SYCP2: variants seen among roughly 807,000 people sequenced by gnomAD.
The protein encoded by SYCP2 is synaptonemal complex lateral element protein.
SYCP2 carries 55 observed loss-of-function variants against 211.3 expected under a neutral mutation model. The ratio of observed to expected loss-of-function variants is 0.26; its 90% CI spans 0.21 to 0.33. SYCP2 has a LOEUF of 0.33. Ranked by LOEUF, SYCP2 falls within the 10% of genes least tolerant of loss-of-function variation. The pLI, the probability that SYCP2 is intolerant of heterozygous loss-of-function variation, is 1.00. For missense variants in SYCP2, 1,731 were observed against 1,752.0 expected, an observed-to-expected ratio of 0.99 and a Z score of 0.21; for synonymous variants, 570 against 555.2, an observed-to-expected ratio of 1.03 and a Z score of -0.37.
At chr20:59,915,066 C>T (rs1422906245) in intron 10 of SYCP2, 99 bp downstream of exon 10, 4 of 774,196 alleles carry the variant, frequency 5.2e-6, no homozygotes, top group South Asian at 3.5e-5. Flanking sequence ...TTTATAATTC[C>T]CTCAGTCTCA....
intron 36 of SYCP2, 121 bp downstream of exon 36, chr20:59,869,677 T>G: frequency 3.6e-6 from 2 of 550,238 alleles, no homozygotes; most frequent in Non-Finnish European, 6.2e-6. Flanking sequence ...CATCAGATTT[T>G]CAGGTAATAA....
chr20:59,922,441 AG>A lies in SYCP2; in HGVS notation c.-29del, dbSNP rs2060558915. 2.1e-6 allele frequency: 3 copies of A among 1,404,274 alleles called. No homozygotes were observed. Among genetic ancestry groups the A allele is most frequent in the South Asian group, 1.3e-5 (1 of 77,602 alleles). 87.0% of individuals were successfully genotyped at this position (1,404,274 alleles called of 1,614,324 possible). A position where few individuals can be genotyped will look rare whatever the true frequency, so the allele number is the denominator to read the frequency against. ...TGACTTCATTTAAAAAAAAAAAAAA[AG>A]CAAGACAAAATAAACACCTATAAAA... On this transcript the variant is annotated 5_prime_UTR_variant, in exon 3 of 45. Coordinates refer to ENST00000357552, the MANE Select transcript of SYCP2 (RefSeq NM_014258.4).
Position 59,868,330 on chromosome 20 carries a change from T to C in SYCP2, c.3988+83A>G, listed in dbSNP as rs192346807. On this transcript the variant is annotated intron_variant, in intron 38 of 44. Coordinates refer to ENST00000357552, the MANE Select transcript of SYCP2 (RefSeq NM_014258.4). ...CATATCCAAAGTTGTCTTTACAAAT[T>C]TGTTTTGTAAATAGACTCATTCAAA... is the stretch of plus-strand genomic sequence containing the variant. 450 of 1,412,270 alleles carry C rather than the reference T, an allele frequency of 3.2e-4. 4 individuals are homozygous for C. The African/African-American group carries it at 5.8e-3, about 18-fold the overall frequency. 87.5% of individuals were successfully genotyped at this position (1,412,270 alleles called of 1,614,324 possible).
intron 7 of SYCP2, among the ~76,000 whole-genome samples, 185 bp from the exon 8 acceptor site, chr20:59,916,756 A>G (rs375922880): frequency 5.9e-5 from 9 of 152,086 alleles, no homozygotes; most frequent in African/African-American, 2.2e-4. Context: ...CCTGGGCAAC[A>G]TGGCAAAATC....
chr20:59,930,240 C>T (rs1036270378), intron 2 of SYCP2, among the ~76,000 whole-genome samples: 7 of 151,876 alleles, frequency 4.6e-5, no homozygotes, highest in African/African-American at 1.7e-4. Context: ...GCTTACTTTA[C>T]GTATGTCCGA....
At position 59,867,746 on chromosome 20, in the gene SYCP2, C is replaced by T. The variant is rs1415429764; in HGVS notation, c.4090G>A (p.Glu1364Lys). ...CTCTTAAATTCTGAATTGAGCCTCT[C>T]GTAAGTCTCATAAGTCATCTCTATC... Reference protein sequence around the residue: ...AGIEMTYETYERLNSEFKRRN... With the variant: ...AGIEMTYETYKRLNSEFKRRN... The change falls in exon 39 of 45, where the codon GAG becomes AAG. Residue 1364 changes from glutamate (E) to lysine (K), a missense_variant. Around this residue, in one of 3 missense-constraint regions of SYCP2, gnomAD observed 1,387 missense variants for 1,351.3 expected, o/e 1.03. Transcript: ENST00000357552. 3.1e-6 allele frequency: 5 copies of T among 1,609,368 alleles called. No homozygotes were observed. The highest frequency in any genetic ancestry group is 4.2e-6 in the Non-Finnish European group (5 of 1,177,054).
At chr20:59,915,593 G>T in intron 8 of SYCP2, 43 bp from the exon 9 acceptor site, 1 of 1,182,284 alleles carries the variant, frequency 8.5e-7, no homozygotes, top group South Asian at 1.3e-5. Context: ...TACATTCAGT[G>T]AAACACTATT....
chr20:59,889,976 C>T (rs184320743), intron 24 of SYCP2, among the ~76,000 whole-genome samples: 118 of 152,144 alleles, frequency 7.8e-4, no homozygotes, highest in Non-Finnish European at 9.9e-4. Context: ...TTTGTTCAAC[C>T]GTTGTGGAAG....
At chr20:59,879,614 C>G (rs2059627309) in intron 31 of SYCP2, among the ~76,000 whole-genome samples, 1 of 151,100 alleles carries the variant, frequency 6.6e-6, no homozygotes, top group Non-Finnish European at 1.5e-5. Flanking sequence ...ACCTGAAACT[C>G]TTACCAACTG....
At chr20:59,900,076 A>G in intron 18 of SYCP2, 62 bp downstream of exon 18, 2 of 1,514,152 alleles carry the variant, frequency 1.3e-6, no homozygotes, top group Non-Finnish European at 1.8e-6. Flanking sequence ...TTCAGTACTC[A>G]TATATAACAG....
chr20:59,911,498 T>C (rs531859114), intron 14 of SYCP2, among the ~76,000 whole-genome samples: 19 of 152,324 alleles, frequency 1.2e-4, no homozygotes, highest in African/African-American at 4.3e-4. Flanking sequence ...TTAACATTTA[T>C]TTTTTAAAAG....
At chr20:59,912,466 A>G (rs1030655900) in intron 12 of SYCP2, 48 bp from the exon 13 acceptor site, 2 of 698,204 alleles carry the variant, frequency 2.9e-6, no homozygotes, top group Non-Finnish European at 4.6e-6. Context: ...CTTTCACAGC[A>G]TAATCTTGTC....
At chr20:59,907,574 T>A (rs1235509703) in intron 14 of SYCP2, 150 bp from the exon 15 acceptor site, 9 of 588,456 alleles carry the variant, frequency 1.5e-5, no homozygotes, top group Non-Finnish European at 2.4e-5. Context: ...GCTCCACCAA[T>A]TAACTACATA....
At chr20:59,875,859 G>A (rs542865746) in intron 33 of SYCP2, among the ~76,000 whole-genome samples, 1 of 152,240 alleles carries the variant, frequency 6.6e-6, no homozygotes, top group South Asian at 2.1e-4. Flanking sequence ...AGAGGGAGTT[G>A]AGAGGCACAG....
intron 36 of SYCP2, 25 bp from the exon 37 acceptor site, chr20:59,868,950 A>G: frequency 6.5e-7 from 1 of 1,535,640 alleles, no homozygotes; most frequent in Non-Finnish European, 8.9e-7. Context: ...AGAAATTAGA[A>G]AAAAATTCCG....
intron 24 of SYCP2, among the ~76,000 whole-genome samples, chr20:59,891,298 T>C (rs778047004): frequency 6.6e-6 from 1 of 152,014 alleles, no homozygotes; most frequent in Non-Finnish European, 1.5e-5. Flanking sequence ...TTTCTTAATC[T>C]GCATTTTGAT....
chr20:59,885,961 A>C lies in SYCP2; in HGVS notation c.2496T>G (p.Gly832=). The C allele has an allele frequency of 1.2e-6, 2 of 1,600,632 alleles. No homozygotes were observed. The highest frequency in any genetic ancestry group is 2.3e-5 in the South Asian group (2 of 88,426). The change falls in exon 26 of 45, where the codon GGT becomes GGG. Residue 832 remains glycine, a synonymous_variant. Transcript: ENST00000357552. ...RKLKESLINS[G]FSNKPVVQLS... ...GTTGTACAACAGGTTTGTTTGAAAA[A>C]CCACTGTAAAAAAAGATTTTGTCAA...
intron 14 of SYCP2, among the ~76,000 whole-genome samples, chr20:59,909,026 C>G (rs777305699): frequency 5.3e-5 from 8 of 152,156 alleles, no homozygotes; most frequent in Non-Finnish European, 8.8e-5. Flanking sequence ...ATTTAACCTC[C>G]CCTCTCAGGA....
intron 35 of SYCP2, 82 bp downstream of exon 35, chr20:59,873,774 G>T: frequency 8.3e-7 from 1 of 1,205,170 alleles, no homozygotes; most frequent in Non-Finnish European, 1.2e-6. Context: ...CAAGCAATGT[G>T]TATCTGATTA....
Sources: allele counts gnomAD v4.1 joint callset (sites outside exome capture counted in the v4.1 genomes callset), GRCh38; gene constraint gnomAD v4.1.1; regional missense constraint gnomAD v4.1.1; transcripts MANE v1.5; gene names NCBI Gene and HGNC (gene_info 2026-07-23, HGNC 2026-07-21).